Variants in TPTE2 observed in about 807,000 individuals in gnomAD.
TPTE2 encodes the protein transmembrane phosphoinositide 3-phosphatase and tensin homolog 2.
TPTE2 carries 53 observed loss-of-function variants against 78.6 expected under a neutral mutation model. The ratio of observed to expected loss-of-function variants is 0.67; its 90% CI spans 0.54 to 0.85. The LOEUF (loss-of-function observed/expected upper bound fraction) is 0.85. Ranked by LOEUF, TPTE2 falls within the 40% of genes least tolerant of loss-of-function variation. The pLI, the probability that TPTE2 is intolerant of heterozygous loss-of-function variation, is 0.00. For synonymous variants in TPTE2, 175 were observed against 206.2 expected (o/e 0.85, Z 1.30); for missense variants, 461 against 623.0 (o/e 0.74, Z 2.77).
At chr13:19,503,163 G>A in intron 1 of TPTE2, 61 bp downstream of exon 4, 1 of 1,609,246 alleles carries the variant, frequency 6.2e-7, no homozygotes, top group South Asian at 1.1e-5. Context: ...GCCTGTGTGT[G>A]TGAATACTTC....
At chr13:19,456,868 A>C (rs1442179625) in intron 10 of TPTE2, among the ~76,000 whole-genome samples, 3 of 152,204 alleles carry the variant, frequency 2.0e-5, no homozygotes, top group Non-Finnish European at 4.4e-5. Context: ...TAAGAGAGCC[A>C]AGATAGTTTT....
At chr13:19,432,528 A>T in exon 16 of TPTE2, 1 of 1,607,746 alleles carries the variant, frequency 6.2e-7, no homozygotes, top group Non-Finnish European at 8.5e-7. Context: ...TTGGAGGGAG[A>T]TTCCAGTTGT....
At chr13:19,442,458 C>T (rs1037975487) in intron 13 of TPTE2, among the ~76,000 whole-genome samples, 10 of 151,522 alleles carry the variant, frequency 6.6e-5, no homozygotes, top group African/African-American at 1.7e-4. Flanking sequence ...AGCCTTAAAT[C>T]GTAAATAGAA....
Position 19,476,164 on chromosome 13 carries a change from C to A in TPTE2, c.180-541G>T, listed in dbSNP as rs566417167. Reference sequence around the variant, plus strand: ...TTGCAAATGAACTTCAGAGGTAAGACATTTTAGTAAGATATACTTCAAAGG... The same window carrying A: ...TTGCAAATGAACTTCAGAGGTAAGAAATTTTAGTAAGATATACTTCAAAGG... On this transcript the variant is annotated intron_variant, in intron 4 of 19. Transcript: ENST00000400230. Among the ~76,000 whole-genome samples the A allele has an allele frequency of 2.6e-5, 4 of 152,202 alleles. No homozygotes were observed. The South Asian group carries it at 8.3e-4, about 32-fold the overall frequency.
chr13:19,516,338 T>A (rs1869791246), intron 1 of TPTE2, among the ~76,000 whole-genome samples: 1 of 152,188 alleles, frequency 6.6e-6, no homozygotes, highest in Admixed American at 6.5e-5. Context: ...GCATGAAAGC[T>A]TCATTCTCAA....
intron 3 of TPTE2, among the ~76,000 whole-genome samples, chr13:19,482,755 A>T (rs1486045899): frequency 6.6e-6 from 1 of 151,728 alleles, no homozygotes; most frequent in Non-Finnish European, 1.5e-5. Context: ...CCCAACACTT[A>T]ATTTTGCATA....
rs1593359690 is a variant in TPTE2, at chr13:19,446,705, C to G, written c.973+3371G>C. ...CCTGTAATCCCAGCACTTTGGGAAGCTGAGGTGGGTGGATCACTTGAGTCC... is the reference window on the plus strand; with the variant it reads ...CCTGTAATCCCAGCACTTTGGGAAGGTGAGGTGGGTGGATCACTTGAGTCC... On this transcript the variant is annotated intron_variant, in intron 13 of 19. Transcript: ENST00000400230. 2.0e-5 allele frequency among the ~76,000 whole-genome samples: 3 copies of G among 152,162 alleles called. No homozygotes were observed. The South Asian group carries it at 6.2e-4, about 32-fold the overall frequency.
At chr13:19,453,260 C>T (rs1294029758) in intron 10 of TPTE2, among the ~76,000 whole-genome samples, 8 of 151,766 alleles carry the variant, frequency 5.3e-5, no homozygotes, top group African/African-American at 1.9e-4. Flanking sequence ...AACTCCTGAC[C>T]TCAGGTGATC....
upstream of TPTE2, among the ~76,000 whole-genome samples, chr13:19,507,837 G>A (rs1015276431): frequency 4.6e-5 from 7 of 152,110 alleles, no homozygotes; most frequent in East Asian, 1.9e-4. Flanking sequence ...CCTCACTTCC[G>A]TTTTCTGTCC....
At chr13:19,468,455 A>G (rs1397932595) in intron 6 of TPTE2, among the ~76,000 whole-genome samples, 2 of 152,218 alleles carry the variant, frequency 1.3e-5, no homozygotes, top group African/African-American at 4.8e-5. Flanking sequence ...CTTAGCCATT[A>G]TGAACAGTGC....
chr13:19,498,968 T>C (rs1311535087), intron 1 of TPTE2, among the ~76,000 whole-genome samples: 9 of 150,980 alleles, frequency 6.0e-5, no homozygotes, highest in Admixed American at 1.3e-4. Context: ...ACCAAGCAAA[T>C]GGAAAACAAA....
chr13:19,481,036 A>T (rs1171349031), intron 4 of TPTE2, among the ~76,000 whole-genome samples: 2 of 152,250 alleles, frequency 1.3e-5, no homozygotes. Flanking sequence ...ATGAATATAT[A>T]TTAACAAAAA....
At chr13:19,437,860 C>T (rs1434561745) in intron 14 of TPTE2, among the ~76,000 whole-genome samples, 4 of 151,988 alleles carry the variant, frequency 2.6e-5, no homozygotes, top group Non-Finnish European at 5.9e-5. Flanking sequence ...TTAAATTTTG[C>T]ACCTCATTGA....
At chr13:19,451,026 A>C in intron 11 of TPTE2, 139 bp downstream of exon 14, 5 of 1,062,276 alleles carry the variant, frequency 4.7e-6, no homozygotes, top group Non-Finnish European at 6.7e-6. Flanking sequence ...GGGCCAGTCC[A>C]AGATGGGGAT....
exon 13 of TPTE2, chr13:19,450,153 A>C (rs1363503219): frequency 6.2e-7 from 1 of 1,611,202 alleles, no homozygotes. Flanking sequence ...CTTGGTGAAA[A>C]CCACCATCTC....
chr13:19,436,217 A>G lies in TPTE2; in HGVS notation c.1116+9T>C, dbSNP rs1198506643. ...TAAAAAAACTCCCATTTTTAAAAAG[A>G]AAACTTACCTGAGAAGGAGTTTCTA... On this transcript the variant is annotated intron_variant, in intron 15 of 19. Transcript: ENST00000400230. 3 of 1,604,124 alleles carry G rather than the reference A, an allele frequency of 1.9e-6. No individual in the cohort carries two copies. Among genetic ancestry groups the G allele is most frequent in the African/African-American group, 2.7e-5 (2 of 74,242 alleles).
chr13:19,530,464 G>A (rs1339166761), intron 1 of TPTE2, among the ~76,000 whole-genome samples: 1 of 152,194 alleles, frequency 6.6e-6, no homozygotes, highest in African/African-American at 2.4e-5. Context: ...GGGATAATAT[G>A]TGCTTCTCTC....
the TPTE2 span, chr13:19,560,538 G>A: frequency 3.1e-6 from 5 of 1,591,708 alleles, no homozygotes; most frequent in Non-Finnish European, 4.3e-6. Context: ...ACAGCGATGA[G>A]AAGCCTGGGA....
intron 1 of TPTE2, among the ~76,000 whole-genome samples, chr13:19,500,601 C>T (rs916582680): frequency 4.1e-4 from 63 of 152,178 alleles, no homozygotes; most frequent in Non-Finnish European, 7.8e-4. Context: ...AATTCAACAT[C>T]CCTTCATGGT....
Sources: gnomAD v4.1 joint callset for allele counts (sites outside exome capture counted in the v4.1 genomes callset) on GRCh38, gnomAD v4.1.1 for gene constraint, MANE v1.5 for transcripts, NCBI Gene and HGNC (gene_info 2026-07-23, HGNC 2026-07-21) for gene names.